Variants in LDLRAD4 observed in about 807,000 individuals in gnomAD.
LDLRAD4 encodes low-density lipoprotein receptor class A domain-containing protein 4.
LDLRAD4 carries 5 observed loss-of-function variants against 17.0 expected under a neutral mutation model. The observed-to-expected ratio is 0.29, with a 90% CI of 0.15 to 0.62. The LOEUF (loss-of-function observed/expected upper bound fraction) is 0.62, where lower values mean the gene tolerates loss of function less well. Among genes scored for constraint, LDLRAD4 ranks in the 20% least tolerant of loss-of-function variants. LDLRAD4 has a pLI of 0.84. For synonymous variants in LDLRAD4, 168 were observed against 171.8 expected (o/e 0.98, Z 0.17); for missense variants, 340 against 424.7 (o/e 0.80, Z 1.75).
chr18:13,228,788 G>A lies in LDLRAD4; in HGVS notation c.-467+9800G>A, dbSNP rs187176081. 1.2e-4 allele frequency among the ~76,000 whole-genome samples: 18 copies of A among 152,224 alleles called. No individual in the cohort carries two copies. The East Asian group carries it at 1.7e-3, about 15-fold the overall frequency. ...AAAATTGTTTACTTCTAAACTAGAC[G>A]TCCTGGGATTTTGCATTTTTTCATC... On this transcript the variant is annotated intron_variant, in intron 1 of 5. Coordinates refer to the LDLRAD4 transcript ENST00000399848.
intron 1 of LDLRAD4, among the ~76,000 whole-genome samples, chr18:13,249,499 T>A: frequency 6.6e-6 from 1 of 152,344 alleles, no homozygotes; most frequent in East Asian, 1.9e-4. Flanking sequence ...TAATTAGTGA[T>A]GTTGCACATT....
At chr18:13,296,593 T>A (rs12958441) in intron 1 of LDLRAD4, among the ~76,000 whole-genome samples, 22,684 of 149,158 alleles carry the variant, frequency 0.15, 1,865 homozygotes, top group South Asian at 0.19. Flanking sequence ...TTTTTTTTTT[T>A]AAAGAACTCT....
At chr18:13,626,154 G>A (rs1044800845) in intron 4 of LDLRAD4, among the ~76,000 whole-genome samples, 2 of 152,256 alleles carry the variant, frequency 1.3e-5, no homozygotes, top group African/African-American at 2.4e-5. Flanking sequence ...TAGCAGCGGC[G>A]GGTCCGGATC....
chr18:13,346,998 ACACTGATGGG>A (rs1246844730), intron 1 of LDLRAD4, among the ~76,000 whole-genome samples: 1 of 152,216 alleles, frequency 6.6e-6, no homozygotes, highest in Non-Finnish European at 1.5e-5. Context: ...TGAATACAGC[ACACTGATGGG>A]TCTTGACTTT....
intron 1 of LDLRAD4, among the ~76,000 whole-genome samples, chr18:13,334,203 T>C (rs916183844): frequency 7.2e-5 from 11 of 152,222 alleles, no homozygotes; most frequent in African/African-American, 2.7e-4. Context: ...ATTTCATTTG[T>C]TCTTCGCTGG....
intron 1 of LDLRAD4, among the ~76,000 whole-genome samples, chr18:13,223,422 G>C (rs1446963664): frequency 1.3e-5 from 2 of 152,176 alleles, no homozygotes; most frequent in African/African-American, 2.4e-5. Flanking sequence ...TGGCAGGCAG[G>C]CTTTTTGCCA....
intron 3 of LDLRAD4, among the ~76,000 whole-genome samples, chr18:13,476,163 G>A (rs1213057518): frequency 1.3e-5 from 2 of 152,178 alleles, no homozygotes; most frequent in African/African-American, 4.8e-5. Flanking sequence ...CTTATGGAAG[G>A]GGCTCTGCTT....
intron 4 of LDLRAD4, among the ~76,000 whole-genome samples, chr18:13,638,526 C>G (rs970870666): frequency 1.3e-5 from 2 of 152,146 alleles, no homozygotes; most frequent in African/African-American, 4.8e-5. Flanking sequence ...ATACAAGAGG[C>G]CTCTGAAAGC....
chr18:13,576,296 C>T (rs1275513503), intron 3 of LDLRAD4, among the ~76,000 whole-genome samples: 3 of 151,904 alleles, frequency 2.0e-5, no homozygotes, highest in African/African-American at 7.3e-5. Context: ...GTGGCGGGCG[C>T]CTGTAGTCCC....
At chr18:13,593,774 C>T (rs2095058238) in intron 3 of LDLRAD4, among the ~76,000 whole-genome samples, 1 of 152,110 alleles carries the variant, frequency 6.6e-6, no homozygotes, top group African/African-American at 2.4e-5. Flanking sequence ...ACCCTCCTCC[C>T]TCTTTATTTG....
rs774241433 is a variant in LDLRAD4, at chr18:13,373,878, CAG to C, written c.-382-13460_-382-13459del. On this transcript the variant is annotated intron_variant, in intron 1 of 5. Transcript: ENST00000359446. ...CTTAGTTATTTTTTATAATAAATTC[CAG>C]AGTTTTCCAAAATTCTCTCATTTCT... Among the ~76,000 whole-genome samples the C allele has an allele frequency of 2.6e-5, 4 of 152,122 alleles. No individual in the cohort carries two copies. The East Asian group carries it at 7.7e-4, about 29-fold the overall frequency.
At chr18:13,564,580 T>TAA (rs367805996) in intron 3 of LDLRAD4, among the ~76,000 whole-genome samples, 1,551 of 82,422 alleles carry the variant, frequency 0.019, 63 homozygotes, top group African/African-American at 0.068. Context: ...TCCCATTTTC[T>TAA]AAAAAAAAAA....
intron 3 of LDLRAD4, among the ~76,000 whole-genome samples, chr18:13,533,043 CA>C (rs2094152111): frequency 6.6e-6 from 1 of 152,186 alleles, no homozygotes; most frequent in South Asian, 2.1e-4. Flanking sequence ...GGTTAGATAC[CA>C]GTTAATTTAC....
chr18:13,356,741 CCT>C (rs1167654010), intron 1 of LDLRAD4, among the ~76,000 whole-genome samples: 5 of 152,300 alleles, frequency 3.3e-5, no homozygotes, highest in South Asian at 2.1e-4. Context: ...AGGAGCACCC[CCT>C]GTCTTGAAAT....
At chr18:13,329,614 T>G (rs2081737538) in intron 1 of LDLRAD4, among the ~76,000 whole-genome samples, 1 of 152,230 alleles carries the variant, frequency 6.6e-6, no homozygotes, top group Admixed American at 6.5e-5. Context: ...CTTCCAGGTA[T>G]TCTATTACTT....
At chr18:13,228,932 G>A (rs1421819900) in intron 1 of LDLRAD4, among the ~76,000 whole-genome samples, 2 of 152,246 alleles carry the variant, frequency 1.3e-5, no homozygotes. Context: ...AACTTGGAAT[G>A]AAGCGGAGCA....
intron 3 of LDLRAD4, among the ~76,000 whole-genome samples, chr18:13,527,029 A>C (rs2094043037): frequency 6.6e-6 from 1 of 152,236 alleles, no homozygotes; most frequent in African/African-American, 2.4e-5. Context: ...TGCAGGATGA[A>C]AAGCACCCCT....
In LDLRAD4 at chr18:13,645,420, A is replaced by G. The variant is rs756310181; in HGVS notation, c.684A>G (p.Pro228=). Residue 228 remains proline, a synonymous_variant, in exon 6 of 6, where the codon CCA becomes CCG. Coordinates refer to ENST00000359446, the Ensembl canonical transcript of LDLRAD4. The surrounding 1 kb of genome is among the most constrained non-coding windows in gnomAD (Gnocchi z 5.7). ...ACATTGCTATGTATAGCGGGGGTCC[A>G]TGCCCACCCAGCAGCAACTCGGGCA... 3 of 1,614,168 alleles carry G rather than the reference A, an allele frequency of 1.9e-6. No individual in the cohort carries two copies. Among genetic ancestry groups the G allele is most frequent in the African/African-American group, 1.3e-5 (1 of 75,060 alleles).
intron 3 of LDLRAD4, among the ~76,000 whole-genome samples, chr18:13,546,130 A>G (rs1444752619): frequency 6.6e-6 from 1 of 152,134 alleles, no homozygotes; most frequent in Non-Finnish European, 1.5e-5. Flanking sequence ...GGTAAAAGTC[A>G]ACAACAGTTG....
Sources: allele counts gnomAD v4.1 joint callset (sites outside exome capture counted in the v4.1 genomes callset), GRCh38; gene constraint gnomAD v4.1.1; non-coding constraint Gnocchi (gnomAD v3.1); transcripts MANE v1.5; gene names NCBI Gene and HGNC (gene_info 2026-07-23, HGNC 2026-07-21).